DPP6: variants seen among roughly 807,000 people sequenced by gnomAD.
DPP6 encodes the protein A-type potassium channel modulatory protein DPP6.
DPP6 carries 69 observed loss-of-function variants against 122.6 expected under a neutral mutation model. That is an observed-to-expected ratio of 0.56 (90% CI 0.46 to 0.69). DPP6 has a LOEUF of 0.69. Among genes scored for constraint, DPP6 ranks in the 30% least tolerant of loss-of-function variants. The pLI, the probability that DPP6 is intolerant of heterozygous loss-of-function variation, is 0.00. For synonymous variants in DPP6, 418 were observed against 433.1 expected (o/e 0.97, Z 0.43); for missense variants, 928 against 1,116.9 (o/e 0.83, Z 2.41).
intron 5 of DPP6, among the ~76,000 whole-genome samples, chr7:154,605,054 T>G (rs1347557190): frequency 1.7e-5 from 2 of 118,568 alleles, no homozygotes; most frequent in Admixed American, 9.6e-5. Flanking sequence ...AATATAGATC[T>G]CTTCTATCCC....
At position 154,475,040 on chromosome 7, in the gene DPP6, G is replaced by A. The variant is rs1174429072; in HGVS notation, c.457+3G>A. Reference sequence around the variant, plus strand: ...CCCCGAGGCTAAGTGGATAAGTGGTGAGTCCAGGTCCTTCGTGCACAAGAC... The same window carrying A: ...CCCCGAGGCTAAGTGGATAAGTGGTAAGTCCAGGTCCTTCGTGCACAAGAC... On this transcript the variant is annotated splice_donor_region_variant and intron_variant, in intron 3 of 25. Coordinates refer to ENST00000377770, the MANE Select transcript of DPP6 (RefSeq NM_130797.4). 9 of 1,610,030 alleles carry A rather than the reference G, an allele frequency of 5.6e-6. No individual in the cohort carries two copies. The highest frequency in any genetic ancestry group is 1.3e-5 in the African/African-American group (1 of 74,800).
intron 1 of DPP6, among the ~76,000 whole-genome samples, chr7:153,892,323 T>A (rs1429431492): frequency 6.6e-6 from 1 of 152,122 alleles, no homozygotes; most frequent in Non-Finnish European, 1.5e-5. Context: ...CTATTATTTT[T>A]TTTTTTCTGA....
At chr7:154,187,348 G>A (rs1798399512) in intron 1 of DPP6, among the ~76,000 whole-genome samples, 1 of 152,188 alleles carries the variant, frequency 6.6e-6, no homozygotes, top group Non-Finnish European at 1.5e-5. Flanking sequence ...AAAGTGAAGA[G>A]TATTGGAATC....
intron 1 of DPP6, among the ~76,000 whole-genome samples, chr7:153,955,079 A>G (rs944330699): frequency 6.6e-6 from 1 of 152,208 alleles, no homozygotes; most frequent in South Asian, 2.1e-4. Context: ...TCAGACTGCG[A>G]GAATGTAGCA....
At chr7:154,774,279 T>TA (rs371013165) in intron 10 of DPP6, among the ~76,000 whole-genome samples, 1,566 of 149,856 alleles carry the variant, frequency 0.01, 17 homozygotes, top group African/African-American at 0.036. Flanking sequence ...TGCTGAGATT[T>TA]AAAAAAAAAA....
chr7:154,837,005 C>G (rs1801101909), intron 16 of DPP6, among the ~76,000 whole-genome samples: 1 of 152,228 alleles, frequency 6.6e-6, no homozygotes, highest in Non-Finnish European at 1.5e-5. Context: ...CTGCACCCAG[C>G]CTGAATTTTA....
At chr7:154,741,309 C>T (rs1408011155) in intron 8 of DPP6, among the ~76,000 whole-genome samples, 5 of 152,242 alleles carry the variant, frequency 3.3e-5, no homozygotes, top group African/African-American at 1.2e-4. Flanking sequence ...TCCCAGAGCC[C>T]AGGCAACCTG....
intron 1 of DPP6, among the ~76,000 whole-genome samples, chr7:153,920,041 G>A (rs571431663): frequency 3.9e-5 from 6 of 152,184 alleles, no homozygotes; most frequent in African/African-American, 9.7e-5. Flanking sequence ...AAAATGTCCT[G>A]CAGTAGTAAT....
chr7:154,453,431 C>T (rs1243251411), intron 2 of DPP6, among the ~76,000 whole-genome samples: 1 of 151,876 alleles, frequency 6.6e-6, no homozygotes, highest in Non-Finnish European at 1.5e-5. Flanking sequence ...TGTCTGTGAC[C>T]GCATTGCCAA....
At chr7:154,146,848 A>C (rs1264002122) in intron 1 of DPP6, among the ~76,000 whole-genome samples, 2 of 151,842 alleles carry the variant, frequency 1.3e-5, no homozygotes, top group African/African-American at 4.8e-5. Context: ...CCCTGGGTGC[A>C]CTTCCTCCCT....
intron 1 of DPP6, among the ~76,000 whole-genome samples, chr7:154,372,492 C>T (rs1317847186): frequency 2.0e-5 from 3 of 152,196 alleles, no homozygotes; most frequent in African/African-American, 7.2e-5. Flanking sequence ...TAGCCCAGCT[C>T]CCAGACTGGG....
intron 3 of DPP6, chr7:154,475,375 A>G: frequency 2.9e-6 from 1 of 339,326 alleles, no homozygotes; most frequent in South Asian, 2.4e-5. Flanking sequence ...GGAACAGTGC[A>G]GGGCACGGTG....
intron 8 of DPP6, among the ~76,000 whole-genome samples, chr7:154,746,474 G>A (rs1843041615): frequency 6.6e-6 from 1 of 152,144 alleles, no homozygotes; most frequent in Non-Finnish European, 1.5e-5. Context: ...CCCCCAGCTT[G>A]ATTGTACCAT....
chr7:154,651,580 G>A (rs1836876974), intron 6 of DPP6, among the ~76,000 whole-genome samples: 2 of 152,090 alleles, frequency 1.3e-5, no homozygotes, highest in Admixed American at 6.5e-5. Context: ...GTGCCGCGGG[G>A]CCCTAATTGT....
intron 1 of DPP6, among the ~76,000 whole-genome samples, chr7:154,307,658 T>A (rs1806472021): frequency 6.6e-6 from 1 of 152,056 alleles, no homozygotes; most frequent in Admixed American, 6.6e-5. Flanking sequence ...TAAAATAAAA[T>A]CCCTAAAGAC....
chr7:154,228,557 A>G (rs1315886256), intron 1 of DPP6, among the ~76,000 whole-genome samples: 9 of 152,182 alleles, frequency 5.9e-5, no homozygotes, highest in Non-Finnish European at 5.9e-5. Flanking sequence ...AGAAATGGAA[A>G]CTGGGAAAGA....
chr7:153,888,642 C>G (rs1216361746), intron 1 of DPP6, among the ~76,000 whole-genome samples: 1 of 151,182 alleles, frequency 6.6e-6, no homozygotes, highest in East Asian at 1.9e-4. Context: ...TTATTTTAAC[C>G]CATTAGGTCA....
intron 1 of DPP6, among the ~76,000 whole-genome samples, chr7:154,436,378 C>A (rs1165727680): frequency 6.6e-6 from 1 of 151,880 alleles, no homozygotes; most frequent in East Asian, 1.9e-4. Flanking sequence ...CCTCAGAGCA[C>A]CCTTGCTTGC....
At chr7:153,941,148 T>C (rs1169855324) in intron 1 of DPP6, among the ~76,000 whole-genome samples, 1 of 152,202 alleles carries the variant, frequency 6.6e-6, no homozygotes, top group African/African-American at 2.4e-5. Context: ...GAAGATTAAA[T>C]GAGTTCGTGC....
Sources: allele counts gnomAD v4.1 joint callset (sites outside exome capture counted in the v4.1 genomes callset), GRCh38; gene constraint gnomAD v4.1.1; transcripts MANE v1.5; gene names NCBI Gene and HGNC (gene_info 2026-07-23, HGNC 2026-07-21).